Variants in CHTF8 observed in about 807,000 individuals in gnomAD.
The protein encoded by CHTF8 is chromosome transmission fidelity protein 8 homolog.
A neutral mutation model predicts 11.0 loss-of-function variants in CHTF8; 6 were observed. That is an observed-to-expected ratio of 0.55 (90% confidence interval 0.30 to 1.08). CHTF8 has a LOEUF of 1.08. Among genes scored for constraint, CHTF8 ranks in the 50% least tolerant of loss-of-function variants. The pLI, the probability that CHTF8 is intolerant of heterozygous loss-of-function variation, is 0.07. For missense variants in CHTF8, 140 were observed against 153.1 expected (o/e 0.91, Z 0.45); for synonymous variants, 53 against 60.5 (o/e 0.88, Z 0.57).
chr16:69,120,264 G>C lies in CHTF8; in HGVS notation c.*161C>G. The C allele has an allele frequency of 1.4e-6, 1 of 730,842 alleles. No homozygotes were observed. Among genetic ancestry groups the C allele is most frequent in the Non-Finnish European group, 2.5e-6 (1 of 406,324 alleles). 45.3% of individuals were successfully genotyped at this position (730,842 alleles called of 1,614,324 possible). A position where few individuals can be genotyped will look rare whatever the true frequency, so the allele number is the denominator to read the frequency against. ...GGGTCAGATTTCCACCAAGAGAACC[G>C]GCCGCCATAAGGAAGGGATCCGAGT... is the stretch of plus-strand genomic sequence containing the variant. On this transcript the variant is annotated 3_prime_UTR_variant, in exon 4 of 4. Transcript: ENST00000448552. This position sits in a 1 kb window ranked among gnomAD's most constrained non-coding sequence, Gnocchi z 4.0.
chr16:69,118,212 A>AGTT lies in CHTF8; in HGVS notation c.*2210_*2212dup. 3.4e-6 allele frequency: 2 copies of AGTT among 591,672 alleles called. No homozygotes were observed. Among genetic ancestry groups the AGTT allele is most frequent in the Non-Finnish European group, 6.1e-6 (2 of 328,382 alleles). The allele number at this position is 591,672 out of a possible 1,614,324, so 36.7% of individuals were successfully genotyped here. A position where few individuals can be genotyped will look rare whatever the true frequency, so the allele number is the denominator to read the frequency against. On this transcript the variant is annotated 3_prime_UTR_variant, in exon 4 of 4. Coordinates refer to ENST00000448552, the MANE Select transcript of CHTF8 (RefSeq NM_001039690.5). ...TGATTGGGAGTACCAGTGAAGAGGG[A>AGTT]GTTGGATGAGTAGAGGGGCCTTAAA...
chr16:69,131,655 G>C (rs1424224630), intron 1 of CHTF8, among the ~76,000 whole-genome samples: 1 of 132,666 alleles, frequency 7.5e-6, no homozygotes, highest in African/African-American at 2.9e-5. Context: ...CCCTTTTCCT[G>C]CCTCCCAGGG....
Position 69,118,797 on chromosome 16 carries a change from C to A in CHTF8, c.*1628G>T. 1 of 658,414 alleles carries A rather than the reference C, an allele frequency of 1.5e-6. No homozygotes were observed. 40.8% of individuals were successfully genotyped at this position (658,414 alleles called of 1,614,324 possible). Reference sequence around the variant, plus strand: ...CAACTACCCTTTTACCTAAGACAGCCCCTGCCAAGAACCACAGTGCCTAGA... The same window carrying A: ...CAACTACCCTTTTACCTAAGACAGCACCTGCCAAGAACCACAGTGCCTAGA... On this transcript the variant is annotated 3_prime_UTR_variant, in exon 4 of 4. Transcript: ENST00000448552.
chr16:69,123,523 G>A (rs1212411503), intron 1 of CHTF8, among the ~76,000 whole-genome samples: 1 of 151,958 alleles, frequency 6.6e-6, no homozygotes, highest in African/African-American at 2.4e-5. Flanking sequence ...TGGGTGTGGT[G>A]GCAGGCACCC....
intron 1 of CHTF8, among the ~76,000 whole-genome samples, chr16:69,128,328 T>C (rs1286643066): frequency 2.6e-5 from 4 of 152,224 alleles, no homozygotes; most frequent in Admixed American, 6.5e-5. Context: ...GAGAGACTTC[T>C]GTGATGTAGC....
chr16:69,129,164 C>G (rs577412815), intron 1 of CHTF8, among the ~76,000 whole-genome samples: 1 of 152,038 alleles, frequency 6.6e-6, no homozygotes, highest in East Asian at 1.9e-4. Context: ...GGTGCGGTGG[C>G]TCACACCTGT....
At chr16:69,123,317 A>G (rs996841276) in intron 1 of CHTF8, among the ~76,000 whole-genome samples, 2 of 152,128 alleles carry the variant, frequency 1.3e-5, no homozygotes, top group Non-Finnish European at 2.9e-5. Flanking sequence ...GTAAGCTTCA[A>G]GTCTACCTCC....
chr16:69,132,498 G>A lies in CHTF8; in HGVS notation c.-50C>T. The stretch of plus-strand genomic sequence containing the variant: ...CGCGGCCTGACCTGCAATGGCGGCC[G>A]CCGAGCGCGGCGCCGCGCGGCCAAC... On this transcript the variant is annotated 5_prime_UTR_variant, in exon 1 of 4. Transcript: ENST00000448552. 7.5e-6 allele frequency: 2 copies of A among 267,084 alleles called. No individual in the cohort carries two copies. Among genetic ancestry groups the A allele is most frequent in the Admixed American group, 6.0e-5 (1 of 16,782 alleles). 16.5% of individuals were successfully genotyped at this position (267,084 alleles called of 1,614,324 possible).
intron 1 of CHTF8, among the ~76,000 whole-genome samples, chr16:69,125,967 G>A (rs758579414): frequency 6.6e-6 from 1 of 152,204 alleles, no homozygotes; most frequent in Admixed American, 6.5e-5. Context: ...TTTTGAGACA[G>A]TGAGATAAGA....
intron 1 of CHTF8, among the ~76,000 whole-genome samples, 158 bp from the exon 2 acceptor site, chr16:69,121,651 G>C (rs1013813321): frequency 1.1e-4 from 17 of 149,882 alleles, no homozygotes; most frequent in African/African-American, 3.9e-4. Flanking sequence ...CTAACTTTTT[G>C]TATTTTTAGT....
At position 69,128,242 on chromosome 16, in the gene CHTF8, C is replaced by T. The variant is rs79288752; in HGVS notation, c.-36+4242G>A. Among the ~76,000 whole-genome samples, 741 of 152,246 alleles carry T rather than the reference C, an allele frequency of 4.9e-3. 2 individuals carry two copies. The highest frequency in any genetic ancestry group is 0.017 in the African/African-American group (722 of 41,554). On this transcript the variant is annotated intron_variant, in intron 1 of 3. Transcript: ENST00000448552. ...ATCTCTTAAGAGCAGAGTTCAACCCCAGATTTGGCTAGGACTAACATGTCT... is the reference window on the plus strand; with the variant it reads ...ATCTCTTAAGAGCAGAGTTCAACCCTAGATTTGGCTAGGACTAACATGTCT...
At chr16:69,123,171 C>T (rs1961809310) in intron 1 of CHTF8, among the ~76,000 whole-genome samples, 4 of 152,154 alleles carry the variant, frequency 2.6e-5, no homozygotes, top group Admixed American at 2.6e-4. Context: ...ATCCTCCTAC[C>T]TCAGCTTCTC....
chr16:69,119,495 G>A lies in CHTF8; in HGVS notation c.*930C>T. On this transcript the variant is annotated 3_prime_UTR_variant, in exon 4 of 4. Coordinates refer to ENST00000448552, the MANE Select transcript of CHTF8 (RefSeq NM_001039690.5). ...CTAGGACCCGAGTTTGGGCCCATGG[G>A]GCCAGGTACTCTTGCCATGGAGGAT... The A allele has an allele frequency of 1.4e-6, 1 of 703,022 alleles. No homozygotes were observed. The highest frequency in any genetic ancestry group is 2.6e-6 in the Non-Finnish European group (1 of 385,024). 43.5% of individuals were successfully genotyped at this position (703,022 alleles called of 1,614,324 possible). A position where few individuals can be genotyped will look rare whatever the true frequency, so the allele number is the denominator to read the frequency against.
intron 1 of CHTF8, among the ~76,000 whole-genome samples, chr16:69,129,119 CCAT>C (rs1306258625): frequency 2.6e-5 from 4 of 151,306 alleles, no homozygotes; most frequent in Middle Eastern, 3.4e-3. Context: ...CAAAGCACCA[CCAT>C]GATTTCTTAA....
chr16:69,119,750 C>T lies in CHTF8; in HGVS notation c.*675G>A, dbSNP rs546492067. ...CCAAGGCCTGGGCCTGGAAACACAC[C>T]TGACCTGGGGGCAGGGTTTGTCCCT... On this transcript the variant is annotated 3_prime_UTR_variant, in exon 4 of 4. Transcript: ENST00000448552. The T allele has an allele frequency of 4.3e-5, 30 of 695,254 alleles. No homozygotes were observed. In the East Asian group the frequency reaches 5.9e-4, roughly 14 times the overall value. 43.1% of individuals were successfully genotyped at this position (695,254 alleles called of 1,614,324 possible).
In CHTF8 at chr16:69,119,332, G is replaced by C. The variant is rs1450634415; in HGVS notation, c.*1093C>G. The C allele has an allele frequency of 1.4e-6, 1 of 702,980 alleles. No homozygotes were observed. The highest frequency in any genetic ancestry group is 2.6e-6 in the Non-Finnish European group (1 of 385,044). The allele number at this position is 702,980 out of a possible 1,614,324, so 43.5% of individuals were successfully genotyped here. A position where few individuals can be genotyped will look rare whatever the true frequency, so the allele number is the denominator to read the frequency against. On this transcript the variant is annotated 3_prime_UTR_variant, in exon 4 of 4. Coordinates refer to ENST00000448552, the MANE Select transcript of CHTF8 (RefSeq NM_001039690.5). ...AGACTGAGAAAAGGCAGATGAACCT[G>C]CTCCCCTGGGAAAGGGATTGGCATT...
Position 69,120,326 on chromosome 16 carries a change from C to T in CHTF8, c.*99G>A, listed in dbSNP as rs753063850. 3.4e-6 allele frequency: 4 copies of T among 1,166,590 alleles called. No homozygotes were observed. The highest frequency in any genetic ancestry group is 2.4e-5 in the East Asian group (1 of 42,132). The allele number at this position is 1,166,590 out of a possible 1,614,324, so 72.3% of individuals were successfully genotyped here. A position where few individuals can be genotyped will look rare whatever the true frequency, so the allele number is the denominator to read the frequency against. ...GGGTGGCCTGTGTTCAGAACAGGAC[C>T]CCCCTGTGGTCCCAGGGAACCGTCG... On this transcript the variant is annotated 3_prime_UTR_variant, in exon 4 of 4. Coordinates refer to ENST00000448552, the MANE Select transcript of CHTF8 (RefSeq NM_001039690.5). This position sits in a 1 kb window ranked among gnomAD's most constrained non-coding sequence, Gnocchi z 4.0.
rs185104078 is a variant in CHTF8, at chr16:69,122,596, A to G, written c.-35-1103T>C. 4.2e-3 allele frequency among the ~76,000 whole-genome samples: 619 copies of G among 149,062 alleles called. 1 individual carries two copies. Among genetic ancestry groups the G allele is most frequent in the Middle Eastern group, 7.0e-3 (2 of 284 alleles). On this transcript the variant is annotated intron_variant, in intron 1 of 3. Transcript: ENST00000448552. ...CACTGTGTCACCCAGGCTGGAGTGC[A>G]GTGGCATGATCTCAGGTCACTGCAA... is the stretch of plus-strand genomic sequence containing the variant.
At position 69,118,147 on chromosome 16, in the gene CHTF8, ATT is replaced by A. The variant is rs2152263184; in HGVS notation, c.*2276_*2277del. The A allele has an allele frequency of 4.1e-6, 2 of 489,836 alleles. No homozygotes were observed. Among genetic ancestry groups the A allele is most frequent in the Non-Finnish European group, 3.6e-6 (1 of 276,190 alleles). 30.3% of individuals were successfully genotyped at this position (489,836 alleles called of 1,614,324 possible). A position where few individuals can be genotyped will look rare whatever the true frequency, so the allele number is the denominator to read the frequency against. The stretch of plus-strand genomic sequence containing the variant: ...CCCCCACCCCCACCCTAATTCCCAT[ATT>A]CCCATCCACATCAGTTTAAATTTTG... On this transcript the variant is annotated 3_prime_UTR_variant, in exon 4 of 4. Transcript: ENST00000448552.
Sources: allele counts gnomAD v4.1 joint callset (sites outside exome capture counted in the v4.1 genomes callset), GRCh38; gene constraint gnomAD v4.1.1; non-coding constraint Gnocchi (gnomAD v3.1); transcripts MANE v1.5; gene names NCBI Gene and HGNC (gene_info 2026-07-23, HGNC 2026-07-21).